The following SLC13A1 variants were observed in gnomAD, a reference collection of about 807,000 sequenced individuals.
SLC13A1 encodes solute carrier family 13 member 1.
In SLC13A1, 65 loss-of-function variants were observed where a neutral mutation model predicts 70.0. The observed-to-expected ratio is 0.93, with a 90% CI of 0.76 to 1.14. The LOEUF (loss-of-function observed/expected upper bound fraction) is 1.14, where lower values mean the gene tolerates loss of function less well. Among genes scored for constraint, SLC13A1 ranks in the 50% most tolerant of loss-of-function variants. The pLI is 0.00. For synonymous variants in SLC13A1, 275 were observed against 250.5 expected (o/e 1.10, Z -0.92); for missense variants, 726 against 717.8 (o/e 1.01, Z -0.13).
chr7:123,139,851 T>A (rs1429073666), intron 7 of SLC13A1, among the ~76,000 whole-genome samples: 1 of 152,092 alleles, frequency 6.6e-6, no homozygotes, highest in Non-Finnish European at 1.5e-5. Flanking sequence ...GATCATATCA[T>A]CAGCAAACAA....
At chr7:123,187,405 CAT>C (rs760878763) in intron 1 of SLC13A1, among the ~76,000 whole-genome samples, 18 of 152,126 alleles carry the variant, frequency 1.2e-4, no homozygotes, top group Non-Finnish European at 2.4e-4. Flanking sequence ...ATACAACAAA[CAT>C]ATTTGTACAC....
intron 6 of SLC13A1, among the ~76,000 whole-genome samples, chr7:123,164,904 AT>A (rs35310053): frequency 0.2 from 29,632 of 149,656 alleles, 3,204 homozygotes; most frequent in Non-Finnish European, 0.23. Context: ...TAATATTTGT[AT>A]TTTTTTTTTG....
intron 6 of SLC13A1, 146 bp from the exon 7 acceptor site, chr7:123,147,456 A>T: frequency 1.1e-6 from 1 of 870,366 alleles, no homozygotes; most frequent in Non-Finnish European, 1.7e-6. Context: ...CATTTGGAAG[A>T]TACTGTACCT....
intron 6 of SLC13A1, among the ~76,000 whole-genome samples, chr7:123,159,252 T>C (rs1403043500): frequency 6.6e-6 from 1 of 152,206 alleles, no homozygotes; most frequent in East Asian, 1.9e-4. Flanking sequence ...AATATTCGTA[T>C]GTTGAAGCTC....
chr7:123,149,583 A>G (rs1470700678), intron 6 of SLC13A1: 2 of 456,570 alleles, frequency 4.4e-6, no homozygotes, highest in South Asian at 1.5e-5. Flanking sequence ...TAAGTTTAAG[A>G]GTCTAAAGCT....
intron 6 of SLC13A1, among the ~76,000 whole-genome samples, chr7:123,157,308 A>C (rs1454529762): frequency 6.6e-6 from 1 of 152,114 alleles, no homozygotes; most frequent in East Asian, 1.9e-4. Flanking sequence ...TCTGAAATAG[A>C]ATTTTTATCC....
intron 1 of SLC13A1, among the ~76,000 whole-genome samples, chr7:123,194,480 T>C (rs1796110666): frequency 6.6e-6 from 1 of 152,152 alleles, no homozygotes; most frequent in Admixed American, 6.6e-5. Context: ...TTTGTTTAGA[T>C]ATTTTTCCAT....
chr7:123,147,377 G>T (rs1794397903), intron 6 of SLC13A1, 67 bp from the exon 7 acceptor site: 1 of 1,546,402 alleles, frequency 6.5e-7, no homozygotes. Flanking sequence ...GAATATTTGT[G>T]TCCCACCACC....
chr7:123,183,344 A>G, intron 1 of SLC13A1, among the ~76,000 whole-genome samples: 1 of 152,278 alleles, frequency 6.6e-6, no homozygotes, highest in East Asian at 1.9e-4. Flanking sequence ...AAACTGAGAT[A>G]TTTGGTAACA....
intron 2 of SLC13A1, among the ~76,000 whole-genome samples, chr7:123,175,709 A>G (rs1795423909): frequency 6.6e-6 from 1 of 152,168 alleles, no homozygotes; most frequent in Admixed American, 6.6e-5. Context: ...TTATTTACCC[A>G]GCTTAATGTA....
In SLC13A1 at chr7:123,168,303, G is replaced by T. The variant is rs937801120; in HGVS notation, c.660+71C>A. The T allele has an allele frequency of 6.0e-6, 6 of 995,320 alleles. No individual in the cohort carries two copies. In the African/African-American group the frequency reaches 8.3e-5, roughly 14 times the overall value. The allele number at this position is 995,320 out of a possible 1,614,324, so 61.7% of individuals were successfully genotyped here. A position where few individuals can be genotyped will look rare whatever the true frequency, so the allele number is the denominator to read the frequency against. On this transcript the variant is annotated intron_variant, in intron 6 of 14. Coordinates refer to ENST00000194130, the MANE Select transcript of SLC13A1 (RefSeq NM_022444.4). The stretch of plus-strand genomic sequence containing the variant: ...GGAAGCAAGTGGCAGGTTTTAAAAT[G>T]CATATGTATCTAACTACAGCTCTAA...
In SLC13A1 at chr7:123,117,601, G is replaced by A. The variant is rs779968520; in HGVS notation, c.1520C>T (p.Ala507Val). Residue 507 changes from alanine (A) to valine (V), a missense_variant, in exon 14 of 15, where the codon GCC becomes GTC. Ala to Val is a moderately conservative substitution (Grantham distance 64, BLOSUM62 0). Transcript: ENST00000194130. ...AATATAAAGAGGGTTCACATGAATGGCTTCGGCCTGTTGTAAGAGATAAAA... is the reference window on the plus strand; with the variant it reads ...AATATAAAGAGGGTTCACATGAATGACTTCGGCCTGTTGTAAGAGATAAAA... ...FLPILSPLAE[A>V]IHVNPLYILI... 8.1e-6 allele frequency: 13 copies of A among 1,601,630 alleles called. No individual in the cohort carries two copies. The highest frequency in any genetic ancestry group is 1.3e-5 in the African/African-American group (1 of 74,606).
At chr7:123,180,060 T>A (rs1795588580) in intron 2 of SLC13A1, among the ~76,000 whole-genome samples, 1 of 151,668 alleles carries the variant, frequency 6.6e-6, no homozygotes, top group Admixed American at 6.6e-5. Context: ...TCCAAATCAA[T>A]GGCCATTAGA....
chr7:123,187,986 T>A (rs888599597), intron 1 of SLC13A1, among the ~76,000 whole-genome samples: 1 of 152,202 alleles, frequency 6.6e-6, no homozygotes, highest in African/African-American at 2.4e-5. Context: ...ATTGGAACTT[T>A]ACTAGATATT....
At chr7:123,138,285 G>T (rs1794017655) in intron 7 of SLC13A1, among the ~76,000 whole-genome samples, 1 of 152,134 alleles carries the variant, frequency 6.6e-6, no homozygotes, top group African/African-American at 2.4e-5. Context: ...CATTGTGTAT[G>T]TGTACCACAT....
intron 14 of SLC13A1, 94 bp downstream of exon 14, chr7:123,117,377 T>G: frequency 1.6e-6 from 2 of 1,221,868 alleles, no homozygotes; most frequent in Non-Finnish European, 2.3e-6. Context: ...CTTTTCCTGG[T>G]GGTTGATTGG....
At chr7:123,199,164 A>T (rs902117453) in intron 1 of SLC13A1, among the ~76,000 whole-genome samples, 5 of 152,106 alleles carry the variant, frequency 3.3e-5, no homozygotes, top group African/African-American at 1.2e-4. Flanking sequence ...GATTCAAATC[A>T]TTTTACCAAG....
rs17145423 is a variant in SLC13A1, at chr7:123,168,591, T to C, written c.554-30A>G. ...AAAACATTAAATAAAAGAAAAACAATTTAAATAAGGGATTATCATTGGGTT... is the reference window on the plus strand; with the variant it reads ...AAAACATTAAATAAAAGAAAAACAACTTAAATAAGGGATTATCATTGGGTT... On this transcript the variant is annotated intron_variant, in intron 4 of 14. Transcript: ENST00000194130. 2.1e-3 allele frequency: 3,179 copies of C among 1,516,886 alleles called. 42 individuals carry two copies. In the Admixed American group the frequency reaches 0.025, roughly 12 times the overall value. The allele number at this position is 1,516,886 out of a possible 1,614,324, so 94.0% of individuals were successfully genotyped here. A position where few individuals can be genotyped will look rare whatever the true frequency, so the allele number is the denominator to read the frequency against.
chr7:123,162,745 G>A (rs779139821), intron 6 of SLC13A1, among the ~76,000 whole-genome samples: 2 of 151,908 alleles, frequency 1.3e-5, no homozygotes, highest in African/African-American at 2.4e-5. Flanking sequence ...GTTTATTACT[G>A]TACTTACAAG....
Sources: gnomAD v4.1 joint callset for allele counts (sites outside exome capture counted in the v4.1 genomes callset) on GRCh38, gnomAD v4.1.1 for gene constraint, MANE v1.5 for transcripts, NCBI Gene and HGNC (gene_info 2026-07-23, HGNC 2026-07-21) for gene names.